The following DACH2 variants were observed in gnomAD, a reference collection of about 807,000 sequenced individuals.
The protein encoded by DACH2 is dachshund family transcription factor 2, also known as dachshund homolog 2.
A neutral mutation model predicts 35.8 loss-of-function variants in DACH2; 17 were observed. The ratio of observed to expected loss-of-function variants is 0.48; its 90% confidence interval spans 0.33 to 0.71. The LOEUF is 0.71. Ranked by LOEUF, DACH2 falls within the 30% of genes least tolerant of loss-of-function variation. The pLI is 0.02. For missense variants in DACH2, 469 were observed against 472.7 expected, an observed-to-expected ratio of 0.99 and a Z score of 0.07; for synonymous variants, 195 against 177.3, an observed-to-expected ratio of 1.10 and a Z score of -0.79.
rs1409895405 is a variant in DACH2, at chrX:86,348,062, C to T, written c.489-28762C>T. 2.7e-5 allele frequency among the ~76,000 whole-genome samples: 3 copies of T among 111,493 alleles called. No homozygotes were observed. The East Asian group carries it at 8.5e-4, about 32-fold the overall frequency. ...TCAGCCGGATGCACTCATAAGACCA[C>T]CCGTTATAATGAATGCAGGTATATT... is the stretch of plus-strand genomic sequence containing the variant. On this transcript the variant is annotated intron_variant, in intron 1 of 11. Coordinates refer to ENST00000373125, the MANE Select transcript of DACH2 (RefSeq NM_053281.3).
intron 2 of DACH2, among the ~76,000 whole-genome samples, chrX:86,451,325 C>T (rs754135263): frequency 1.9e-4 from 21 of 111,679 alleles, no homozygotes; most frequent in African/African-American, 6.2e-4. Flanking sequence ...ATTCTTTCCC[C>T]ATTGCTTATT....
chrX:86,474,989 C>T (rs1245971159), intron 2 of DACH2, among the ~76,000 whole-genome samples: 3 of 111,651 alleles, frequency 2.7e-5, no homozygotes, highest in Non-Finnish European at 3.8e-5. Context: ...CCTCCTCTGC[C>T]TCCCAAAGTG....
intron 11 of DACH2, among the ~76,000 whole-genome samples, chrX:86,816,544 GACA>G (rs2042454354): frequency 1.8e-5 from 2 of 111,994 alleles, no homozygotes; most frequent in African/African-American, 6.5e-5. Context: ...AGGTATTCAA[GACA>G]ACATTTTTTT....
At chrX:86,335,394 T>C (rs1431478346) in intron 1 of DACH2, among the ~76,000 whole-genome samples, 1 of 112,169 alleles carries the variant, frequency 8.9e-6, no homozygotes, top group Non-Finnish European at 1.9e-5. Context: ...ACATGAAATG[T>C]TTTTCCATGT....
At chrX:86,483,750 T>C (rs2037978611) in intron 2 of DACH2, among the ~76,000 whole-genome samples, 1 of 111,194 alleles carries the variant, frequency 9.0e-6, no homozygotes, top group South Asian at 3.8e-4. Flanking sequence ...AAGGATTGCT[T>C]GAGCCTGGGA....
intron 1 of DACH2, among the ~76,000 whole-genome samples, chrX:86,182,745 G>A (rs1489569466): frequency 3.6e-5 from 4 of 111,432 alleles, no homozygotes; most frequent in Non-Finnish European, 5.6e-5. Flanking sequence ...GGGTAGCATT[G>A]AATCTATAAA....
At chrX:86,337,738 A>G (rs930888185) in intron 1 of DACH2, among the ~76,000 whole-genome samples, 15 of 112,101 alleles carry the variant, frequency 1.3e-4, no homozygotes, top group African/African-American at 4.9e-4. Context: ...TAAATGGGCT[A>G]AATACCCTAA....
intron 2 of DACH2, among the ~76,000 whole-genome samples, chrX:86,474,797 G>T (rs970060149): frequency 9.0e-6 from 1 of 111,720 alleles, no homozygotes; most frequent in Admixed American, 9.5e-5. Context: ...GCAATGGCAC[G>T]ATCTTGGCTC....
At chrX:86,307,506 C>A (rs765102846) in intron 1 of DACH2, among the ~76,000 whole-genome samples, 2 of 111,647 alleles carry the variant, frequency 1.8e-5, no homozygotes, top group Non-Finnish European at 3.8e-5. Context: ...GAAGGAACAG[C>A]TTTCCCATCT....
intron 1 of DACH2, among the ~76,000 whole-genome samples, chrX:86,289,329 G>A (rs750430292): frequency 1.9e-5 from 2 of 107,275 alleles, no homozygotes; most frequent in Admixed American, 1.0e-4. Context: ...TTGGAACTGC[G>A]AGCTGTGCAG....
At chrX:86,544,786 A>G (rs1189143681) in intron 3 of DACH2, among the ~76,000 whole-genome samples, 1 of 112,022 alleles carries the variant, frequency 8.9e-6, no homozygotes, top group Non-Finnish European at 1.9e-5. Context: ...AAATCCGCGC[A>G]TGCCAATATT....
intron 3 of DACH2, among the ~76,000 whole-genome samples, chrX:86,608,488 C>T (rs972821110): frequency 5.4e-5 from 6 of 112,088 alleles, no homozygotes; most frequent in Non-Finnish European, 9.4e-5. Flanking sequence ...CCACAGTTAA[C>T]AGTGTTATTA....
intron 2 of DACH2, among the ~76,000 whole-genome samples, chrX:86,512,104 A>G (rs1489025375): frequency 9.0e-6 from 1 of 111,442 alleles, no homozygotes; most frequent in African/African-American, 3.3e-5. Context: ...CTTAGGATAC[A>G]GTAACAAACA....
At chrX:86,753,198 GCTAA>G (rs1206419992) in intron 7 of DACH2, among the ~76,000 whole-genome samples, 1 of 110,966 alleles carries the variant, frequency 9.0e-6, no homozygotes, top group African/African-American at 3.3e-5. Context: ...TGATTTTCAT[GCTAA>G]CTGTCTAAAT....
At chrX:86,199,195 G>T (rs1000296929) in intron 1 of DACH2, among the ~76,000 whole-genome samples, 8 of 111,172 alleles carry the variant, frequency 7.2e-5, no homozygotes, top group South Asian at 3.8e-4. Context: ...AGCAGAAAAG[G>T]CTTTTGATAA....
At chrX:86,300,347 A>G (rs1217561576) in intron 1 of DACH2, among the ~76,000 whole-genome samples, 1 of 111,994 alleles carries the variant, frequency 8.9e-6, no homozygotes, top group African/African-American at 3.2e-5. Flanking sequence ...CTCATTTTGT[A>G]TTACTTTTAT....
intron 2 of DACH2, among the ~76,000 whole-genome samples, chrX:86,475,843 G>A (rs2037834818): frequency 9.0e-6 from 1 of 111,328 alleles, no homozygotes; most frequent in Non-Finnish European, 1.9e-5. Context: ...CTTTTATTAT[G>A]TTGAGGTATG....
At chrX:86,251,500 T>C (rs758702948) in intron 1 of DACH2, among the ~76,000 whole-genome samples, 1 of 110,905 alleles carries the variant, frequency 9.0e-6, no homozygotes, top group African/African-American at 3.3e-5. Context: ...CTCTCACCCT[T>C]TCCCCCGAGT....
chrX:86,396,033 A>G (rs905535731), intron 2 of DACH2, among the ~76,000 whole-genome samples: 9 of 111,425 alleles, frequency 8.1e-5, no homozygotes, highest in African/African-American at 2.9e-4. Context: ...ATTCGTCCAC[A>G]TCCTCTCCAG....
Sources: gnomAD v4.1 joint callset for allele counts (sites outside exome capture counted in the v4.1 genomes callset) on GRCh38, gnomAD v4.1.1 for gene constraint, MANE v1.5 for transcripts, NCBI Gene and HGNC (gene_info 2026-07-23, HGNC 2026-07-21) for gene names.